CAPN3: variants seen among roughly 807,000 people sequenced by gnomAD.
CAPN3 encodes the protein calpain-3.
In CAPN3, 88 loss-of-function variants were observed where a neutral mutation model predicts 114.0. The ratio of observed to expected loss-of-function variants is 0.77; its 90% CI spans 0.65 to 0.92. The LOEUF (loss-of-function observed/expected upper bound fraction) is 0.92, where lower values mean the gene tolerates loss of function less well. Ranked by LOEUF, CAPN3 falls within the 40% of genes least tolerant of loss-of-function variation. The pLI is 0.00. For synonymous variants in CAPN3, 386 were observed against 382.9 expected (o/e 1.01, Z -0.09); for missense variants, 1,028 against 1,069.0 (o/e 0.96, Z 0.53).
chr15:42,399,511 A>G lies in CAPN3; in HGVS notation c.1213A>G (p.Ile405Val). Reference protein sequence around the residue: ...GEFWMSYEDFIYHFTKLEICN... With the variant: ...GEFWMSYEDFVYHFTKLEICN... The stretch of plus-strand genomic sequence containing the variant: ...TCTCAGGATGTCCTATGAGGATTTC[A>G]TCTACCATTTCACAAAGTTGGAGAT... Residue 405 changes from isoleucine to valine, a missense_variant, in exon 10 of 24, where the codon ATC becomes GTC. Ile to Val is a conservative substitution (Grantham distance 29). Transcript: ENST00000397163. The G allele has an allele frequency of 6.2e-7, 1 of 1,613,834 alleles. No individual in the cohort carries two copies. The highest frequency in any genetic ancestry group is 8.5e-7 in the Non-Finnish European group (1 of 1,179,800).
chr15:42,410,037 C>A, intron 19 of CAPN3, 42 bp downstream of exon 19: 1 of 1,582,678 alleles, frequency 6.3e-7, no homozygotes, highest in Non-Finnish European at 8.7e-7. Flanking sequence ...TGTCATCAGC[C>A]CACGGGGGCC....
At chr15:42,389,165 G>A (rs1566975724) in intron 5 of CAPN3, 69 bp downstream of exon 5, 17 of 1,436,736 alleles carry the variant, frequency 1.2e-5, no homozygotes, top group Non-Finnish European at 1.7e-5. Flanking sequence ...CCAATGAAGG[G>A]CAGCATAGAG....
rs533985749 is a variant in CAPN3, at chr15:42,411,690, G to GA, written c.2440-57_2440-56insA. 1.6e-4 allele frequency: 30 copies of GA among 184,448 alleles called. No individual in the cohort carries two copies. The East Asian group carries it at 2.3e-3, about 14-fold the overall frequency. The allele number at this position is 184,448 out of a possible 1,614,324, so 11.4% of individuals were successfully genotyped here. On this transcript the variant is annotated intron_variant, in intron 23 of 23. Coordinates refer to ENST00000397163, the MANE Select transcript of CAPN3 (RefSeq NM_000070.3). ...CTTGCCCCGTAAGATTCCTAGGGCG[G>GA]GGGGGGGGGGGGTCACTCTTTTCTG...
At chr15:42,409,904 GCTC>G in intron 18 of CAPN3, 24 bp from the exon 19 acceptor site, 1 of 1,612,502 alleles carries the variant, frequency 6.2e-7, no homozygotes, top group Non-Finnish European at 8.5e-7. Context: ...TCTCAAAGCA[GCTC>G]CTCACTCTTC....
chr15:42,399,586 A>G lies in CAPN3; in HGVS notation c.1288A>G (p.Thr430Ala), dbSNP rs754070257. The change falls in exon 10 of 24, where the codon ACA (threonine) becomes GCA (alanine). Residue 430 changes from threonine to alanine, a missense_variant. Transcript: ENST00000397163. The stretch of plus-strand genomic sequence containing the variant: ...GCAGTCTGACAAGCTTCAGACCTGG[A>G]CAGTGTCTGTGAACGAGGGCCGCTG... ...ALQSDKLQTWTVSVNEGRWVR... is the reference protein window; with the variant it reads ...ALQSDKLQTWAVSVNEGRWVR... The G allele has an allele frequency of 1.2e-6, 2 of 1,613,908 alleles. No homozygotes were observed. Among genetic ancestry groups the G allele is most frequent in the Non-Finnish European group, 1.7e-6 (2 of 1,179,862 alleles).
chr15:42,400,702 CAA>C (rs956131743), intron 10 of CAPN3, among the ~76,000 whole-genome samples: 3 of 151,522 alleles, frequency 2.0e-5, no homozygotes, highest in Non-Finnish European at 2.9e-5. Context: ...AAAAGACACA[CAA>C]GAGAAAAATA....
rs765516680 is a variant in CAPN3 at position 42,399,671 on chromosome 15, G to C, written c.1354+19G>C. On this transcript the variant is annotated intron_variant, in intron 10 of 23. Transcript: ENST00000397163. ...TTCCCAGGTGGGAGATGCTCTTGAT[G>C]GGGGGAGGGTCTAAGCCGAAAAAGT... The C allele has an allele frequency of 2.5e-6, 4 of 1,582,082 alleles. No homozygotes were observed. The highest frequency in any genetic ancestry group is 3.4e-6 in the Non-Finnish European group (4 of 1,162,166).
chr15:42,360,999 G>A (rs2141104977), intron 1 of CAPN3, among the ~76,000 whole-genome samples: 1 of 152,324 alleles, frequency 6.6e-6, no homozygotes, highest in African/African-American at 2.4e-5. Context: ...TGGAACCTAG[G>A]GTCCTGAAGG....
chr15:42,411,642 C>G (rs754915204), intron 23 of CAPN3, 105 bp from the exon 24 acceptor site: 1 of 781,614 alleles, frequency 1.3e-6, no homozygotes, highest in Non-Finnish European at 2.3e-6. Context: ...GGGGTCTGAC[C>G]TGCTGGGACT....
intron 7 of CAPN3, 79 bp from the exon 8 acceptor site, chr15:42,394,177 C>T (rs1351638790): frequency 6.0e-6 from 8 of 1,336,092 alleles, no homozygotes; most frequent in African/African-American, 1.5e-5. Context: ...CCCCCAGCCC[C>T]GTCCCAGCCC....
chr15:42,402,341 C>T (rs918260626), intron 12 of CAPN3: 2 of 1,486,882 alleles, frequency 1.3e-6, no homozygotes, highest in Non-Finnish European at 8.9e-7. Context: ...TGTGCACTTT[C>T]TCCCTCGCAC....
intron 8 of CAPN3, among the ~76,000 whole-genome samples, chr15:42,395,446 A>G (rs2053663446): frequency 6.6e-6 from 1 of 152,128 alleles, no homozygotes; most frequent in African/African-American, 2.4e-5. Context: ...GCAAGCACAC[A>G]CTAATAATTG....
At chr15:42,378,230 T>C (rs1440399924) in intron 1 of CAPN3, among the ~76,000 whole-genome samples, 1 of 152,188 alleles carries the variant, frequency 6.6e-6, no homozygotes, top group Non-Finnish European at 1.5e-5. Flanking sequence ...TGTGGGTAAT[T>C]AATCTGGTTG....
intron 9 of CAPN3, among the ~76,000 whole-genome samples, chr15:42,398,060 C>T (rs973144951): frequency 6.6e-6 from 1 of 151,902 alleles, no homozygotes; most frequent in Non-Finnish European, 1.5e-5. Context: ...AGCCACCACA[C>T]CTGGCCTTCT....
intron 1 of CAPN3, among the ~76,000 whole-genome samples, chr15:42,381,497 T>C (rs985220713): frequency 6.6e-6 from 1 of 152,190 alleles, no homozygotes; most frequent in Non-Finnish European, 1.5e-5. Flanking sequence ...ATAGGCAATA[T>C]ATTACATACT....
intron 17 of CAPN3, 24 bp downstream of exon 17, chr15:42,409,404 G>GC (rs2054134164): frequency 6.3e-7 from 1 of 1,587,880 alleles, no homozygotes; most frequent in Non-Finnish European, 8.6e-7. Flanking sequence ...AGCCCAGGAC[G>GC]CCCACAGGTG....
chr15:42,399,467 T>G, intron 9 of CAPN3, 25 bp from the exon 10 acceptor site: 1 of 1,600,390 alleles, frequency 6.2e-7, no homozygotes, highest in Non-Finnish European at 8.6e-7. Flanking sequence ...CCCATATGGC[T>G]CTCTCTCTTC....
rs1428719760 is a variant in CAPN3 at position 42,359,622 on chromosome 15, C to T, written c.-184C>T. 1.3e-5 allele frequency: 18 copies of T among 1,437,818 alleles called. No homozygotes were observed. The South Asian group carries it at 2.0e-4, about 16-fold the overall frequency. The allele number at this position is 1,437,818 out of a possible 1,614,324, so 89.1% of individuals were successfully genotyped here. ...AACTTATGGCTTCAGAATCACAGCT[C>T]GGTTTTTAAGATGGACATAACCTGT... On this transcript the variant is annotated 5_prime_UTR_variant, in exon 1 of 24. Transcript: ENST00000397163.
At chr15:42,389,817 C>A in intron 5 of CAPN3, 136 bp from the exon 6 acceptor site, 1 of 939,756 alleles carries the variant, frequency 1.1e-6, no homozygotes. Flanking sequence ...GTCTTTCCTC[C>A]ATTCGTGCTC....
Sources: gnomAD v4.1 joint callset for allele counts (sites outside exome capture counted in the v4.1 genomes callset) on GRCh38, gnomAD v4.1.1 for gene constraint, MANE v1.5 for transcripts, NCBI Gene and HGNC (gene_info 2026-07-23, HGNC 2026-07-21) for gene names.